TM4SF18: variants seen among roughly 807,000 people sequenced by gnomAD.
The protein encoded by TM4SF18 is transmembrane 4 L6 family member 18.
TM4SF18 carries 22 observed loss-of-function variants against 23.8 expected under a neutral mutation model. The ratio of observed to expected loss-of-function variants is 0.92; its 90% CI spans 0.66 to 1.32. The LOEUF is 1.32. Ranked by LOEUF, TM4SF18 falls within the 40% of genes most tolerant of loss-of-function variation. The pLI is 0.00. For synonymous variants in TM4SF18, 87 were observed against 87.9 expected (o/e 0.99, Z 0.06); for missense variants, 255 against 240.3 (o/e 1.06, Z -0.41).
chr3:149,321,494 T>C lies in TM4SF18; in HGVS notation c.592-2A>G. On this transcript the variant is annotated splice_acceptor_variant, in intron 5 of 5. Transcript: ENST00000296059. LOFTEE classifies it high-confidence loss of function. ...TGTCCTTATTCAAATGATTCCAGGC[T>C]ATAGGAAAAAAGGAAAAACAAAGTG... 1 of 1,570,856 alleles carries C rather than the reference T, an allele frequency of 6.4e-7. No individual in the cohort carries two copies. The highest frequency in any genetic ancestry group is 8.7e-7 in the Non-Finnish European group (1 of 1,156,006).
intron 2 of TM4SF18, among the ~76,000 whole-genome samples, chr3:149,331,609 G>A (rs60986942): frequency 0.013 from 2,038 of 152,276 alleles, 42 homozygotes; most frequent in African/African-American, 0.047. Context: ...CCTAGAGCCT[G>A]TAGTCTTATT....
At chr3:149,325,181 C>T (rs976681043) in intron 3 of TM4SF18, among the ~76,000 whole-genome samples, 159 bp from the exon 4 acceptor site, 13 of 152,042 alleles carry the variant, frequency 8.6e-5, no homozygotes, top group African/African-American at 2.9e-4. Flanking sequence ...TAATCCAAAC[C>T]TATTTGATCT....
chr3:149,333,055 A>G (rs1731119910), intron 2 of TM4SF18, 151 bp downstream of exon 2: 1 of 728,818 alleles, frequency 1.4e-6, no homozygotes, highest in South Asian at 2.1e-5. Context: ...ATGCCAGCAG[A>G]TTACCTGCCC....
intron 2 of TM4SF18, among the ~76,000 whole-genome samples, chr3:149,332,479 C>T (rs998139046): frequency 1.3e-5 from 2 of 152,080 alleles, no homozygotes; most frequent in Admixed American, 1.3e-4. Context: ...ATCAGGAAAA[C>T]GTTCATGGAT....
intron 5 of TM4SF18, 131 bp from the exon 6 acceptor site, chr3:149,321,623 A>G: frequency 1.8e-6 from 1 of 546,938 alleles, no homozygotes; most frequent in Middle Eastern, 4.6e-4. Flanking sequence ...AACATCTCTT[A>G]GAAATTGCTA....
In TM4SF18 at chr3:149,324,306, T is replaced by A. The variant is rs1318187759; in HGVS notation, c.410+574A>T. ...TACCTCTTTAGACCCTTCTCCAGTATAAGCTGCATAAGCTCTGGCTCATTC... is the reference window on the plus strand; with the variant it reads ...TACCTCTTTAGACCCTTCTCCAGTAAAAGCTGCATAAGCTCTGGCTCATTC... On this transcript the variant is annotated intron_variant, in intron 4 of 5. Coordinates refer to ENST00000296059, the MANE Select transcript of TM4SF18 (RefSeq NM_138786.4). 7.9e-5 allele frequency among the ~76,000 whole-genome samples: 12 copies of A among 152,312 alleles called. No homozygotes were observed. In the East Asian group the frequency reaches 2.1e-3, roughly 27 times the overall value.
chr3:149,325,109 A>G, intron 3 of TM4SF18, 87 bp from the exon 4 acceptor site: 1 of 1,369,324 alleles, frequency 7.3e-7, no homozygotes, highest in South Asian at 1.3e-5. Context: ...ACATTCCCCT[A>G]TTCACCCAAG....
chr3:149,324,885 A>C lies in TM4SF18; in HGVS notation c.405T>G (p.Ala135=), dbSNP rs749509419. ...TTTGGGGAATTATTCCTTACCGTCC[A>C]GCAGTGCCTTCAAAAGCATACTCCC... The part of the protein sequence containing the change: ...DGWEYAFEGT[A]GRFLTDSSIW... The change falls in exon 4 of 6, where the codon GCT becomes GCG. Residue 135 remains alanine (A), a synonymous_variant. Coordinates refer to ENST00000296059, the MANE Select transcript of TM4SF18 (RefSeq NM_138786.4). 1.9e-6 allele frequency: 3 copies of C among 1,614,182 alleles called. No homozygotes were observed. Among genetic ancestry groups the C allele is most frequent in the East Asian group, 2.2e-5 (1 of 44,886 alleles).
chr3:149,320,331 A>G lies in TM4SF18; in HGVS notation c.*1147T>C, dbSNP rs1372783303. 6.6e-6 allele frequency: 1 copy of G among 152,252 alleles called. No individual in the cohort carries two copies. The highest frequency in any genetic ancestry group is 1.5e-5 in the Non-Finnish European group (1 of 68,036). The allele number at this position is 152,252 out of a possible 1,614,324, so 9.4% of individuals were successfully genotyped here. A position where few individuals can be genotyped will look rare whatever the true frequency, so the allele number is the denominator to read the frequency against. On this transcript the variant is annotated 3_prime_UTR_variant, in exon 6 of 6. Coordinates refer to ENST00000296059, the MANE Select transcript of TM4SF18 (RefSeq NM_138786.4). Reference sequence around the variant, plus strand: ...GGGTCCTATGCATGGTGGGAAATATATAAGATGTGGCTACTGTCCCCGAGG... The same window carrying G: ...GGGTCCTATGCATGGTGGGAAATATGTAAGATGTGGCTACTGTCCCCGAGG...
intron 4 of TM4SF18, 31 bp from the exon 5 acceptor site, chr3:149,322,467 C>G: frequency 1.3e-6 from 2 of 1,591,964 alleles, no homozygotes; most frequent in Admixed American, 1.7e-5. Context: ...AATCTACATA[C>G]TGGGTCCAAG....
At position 149,333,311 on chromosome 3, in the gene TM4SF18, C is replaced by T; in HGVS notation, c.72G>A (p.Val24=). The T allele has an allele frequency of 6.2e-7, 1 of 1,613,790 alleles. No individual in the cohort carries two copies. Among genetic ancestry groups the T allele is most frequent in the East Asian group, 2.2e-5 (1 of 44,868 alleles). The change falls in exon 2 of 6, where the codon GTG becomes GTA. Residue 24 remains valine, a synonymous_variant. Coordinates refer to ENST00000296059, the MANE Select transcript of TM4SF18 (RefSeq NM_138786.4). ...CATTCGGGAAATACAATAATATGTT[C>T]ACGATTATACTCCAAAGTGCAAGCG... is the stretch of plus-strand genomic sequence containing the variant. The part of the protein sequence containing the change: ...LIPLALWSII[V]NILLYFPNGQ...
At chr3:149,322,993 C>T (rs1432437080) in intron 4 of TM4SF18, among the ~76,000 whole-genome samples, 1 of 151,486 alleles carries the variant, frequency 6.6e-6, no homozygotes, top group African/African-American at 2.4e-5. Flanking sequence ...AGCTCCGCCT[C>T]CCTGGTTCAC....
chr3:149,321,838 G>C (rs745758338), intron 5 of TM4SF18, among the ~76,000 whole-genome samples: 1 of 152,102 alleles, frequency 6.6e-6, no homozygotes, highest in Non-Finnish European at 1.5e-5. Flanking sequence ...TCGAGATAAA[G>C]GTTCATTAGT....
intron 3 of TM4SF18, among the ~76,000 whole-genome samples, chr3:149,329,768 A>C (rs1731049132): frequency 6.6e-6 from 1 of 152,208 alleles, no homozygotes; most frequent in Non-Finnish European, 1.5e-5. Context: ...TGCACATCAC[A>C]TACACCCAAC....
At chr3:149,323,759 CAG>C (rs1005912545) in intron 4 of TM4SF18, among the ~76,000 whole-genome samples, 1 of 152,124 alleles carries the variant, frequency 6.6e-6, no homozygotes, top group Non-Finnish European at 1.5e-5. Context: ...AGCAGAATAA[CAG>C]AGATTTTTAG....
chr3:149,324,264 A>T (rs1365143285), intron 4 of TM4SF18, among the ~76,000 whole-genome samples: 2 of 152,162 alleles, frequency 1.3e-5, no homozygotes, highest in Non-Finnish European at 2.9e-5. Context: ...CTGAATTACT[A>T]GCCTTCTGAG....
chr3:149,320,527 C>A lies in TM4SF18; in HGVS notation c.*951G>T, dbSNP rs556496729. ...AGCTGCTCACTTATTTTAAGGCTAC[C>A]TCTTCTAGTCCATCACACTCACCCT... is the stretch of plus-strand genomic sequence containing the variant. On this transcript the variant is annotated 3_prime_UTR_variant, in exon 6 of 6. Transcript: ENST00000296059. 4 of 152,232 alleles carry A rather than the reference C, an allele frequency of 2.6e-5. No individual in the cohort carries two copies. The East Asian group carries it at 5.8e-4, about 22-fold the overall frequency. The allele number at this position is 152,232 out of a possible 1,614,324, so 9.4% of individuals were successfully genotyped here. A position where few individuals can be genotyped will look rare whatever the true frequency, so the allele number is the denominator to read the frequency against.
At chr3:149,327,847 A>G (rs1730988316) in intron 3 of TM4SF18, among the ~76,000 whole-genome samples, 1 of 152,208 alleles carries the variant, frequency 6.6e-6, no homozygotes, top group South Asian at 2.1e-4. Flanking sequence ...ACACACATGC[A>G]CACGCACACA....
chr3:149,322,519 A>G, intron 4 of TM4SF18, 83 bp from the exon 5 acceptor site: 1 of 1,129,818 alleles, frequency 8.9e-7, no homozygotes. Context: ...AAATTACTGT[A>G]TAACTAAAAT....
Sources: allele counts gnomAD v4.1 joint callset (sites outside exome capture counted in the v4.1 genomes callset), GRCh38; gene constraint gnomAD v4.1.1; transcripts MANE v1.5; gene names NCBI Gene and HGNC (gene_info 2026-07-23, HGNC 2026-07-21).